The following SFMBT1 variants were observed in gnomAD, a reference collection of about 807,000 sequenced individuals.
The protein encoded by SFMBT1 is scm-like with four MBT domains protein 1.
A neutral mutation model predicts 108.7 loss-of-function variants in SFMBT1; 32 were observed. That is an observed-to-expected ratio of 0.29 (90% CI 0.22 to 0.40). SFMBT1 has a LOEUF of 0.40. Ranked by LOEUF, SFMBT1 falls within the 10% of genes least tolerant of loss-of-function variation. The probability of loss-of-function intolerance (pLI) is 1.00; values close to 1 mark genes in which losing one functional copy is unlikely to be tolerated. For missense variants in SFMBT1, 816 were observed against 1,059.6 expected, an observed-to-expected ratio of 0.77 and a Z score of 3.19; for synonymous variants, 348 against 369.5, an observed-to-expected ratio of 0.94 and a Z score of 0.67.
intron 7 of SFMBT1, 35 bp downstream of exon 7, chr3:52,930,906 G>A (rs1702837895): frequency 3.2e-6 from 5 of 1,570,908 alleles, no homozygotes; most frequent in Non-Finnish European, 4.4e-6. Flanking sequence ...ACTGTAAGGG[G>A]AGCAATACCG....
chr3:52,993,097 T>A (rs1226796002), intron 1 of SFMBT1, among the ~76,000 whole-genome samples: 1 of 152,022 alleles, frequency 6.6e-6, no homozygotes, highest in Non-Finnish European at 1.5e-5. Flanking sequence ...CTGTATCAGT[T>A]GTTTTTTTTT....
intron 8 of SFMBT1, chr3:52,928,623 TATACATATATATAC>T (rs1559513980): frequency 4.6e-4 from 4 of 8,782 alleles, no homozygotes; most frequent in African/African-American, 6.7e-4. Context: ...TATATACATA[TATACATATATATAC>T]ATATATATAT....
At chr3:52,928,773 G>A (rs991649576) in intron 8 of SFMBT1, among the ~76,000 whole-genome samples, 4 of 151,076 alleles carry the variant, frequency 2.6e-5, no homozygotes, top group African/African-American at 9.7e-5. Flanking sequence ...TTGGCTCACC[G>A]AAGCACTGCA....
chr3:53,020,959 G>A (rs552132982), intron 1 of SFMBT1, among the ~76,000 whole-genome samples: 9 of 152,248 alleles, frequency 5.9e-5, no homozygotes, highest in East Asian at 5.8e-4. Context: ...ATGAGAGGCC[G>A]AGGCAGGAGA....
intron 3 of SFMBT1, among the ~76,000 whole-genome samples, chr3:52,947,453 A>T (rs1703410419): frequency 6.6e-6 from 1 of 152,088 alleles, no homozygotes; most frequent in Admixed American, 6.5e-5. Flanking sequence ...AAGGTGTGTC[A>T]TGTATCTTAT....
intron 11 of SFMBT1, among the ~76,000 whole-genome samples, chr3:52,921,261 C>T (rs1702511539): frequency 6.6e-6 from 1 of 152,186 alleles, no homozygotes; most frequent in South Asian, 2.1e-4. Context: ...ACTGAGTACT[C>T]ACGCAGCGCC....
chr3:52,974,940 G>A (rs1704468779), intron 1 of SFMBT1, among the ~76,000 whole-genome samples: 2 of 151,122 alleles, frequency 1.3e-5, no homozygotes, highest in African/African-American at 4.9e-5. Context: ...CCAGGGCAAA[G>A]GTTGCAGTGA....
At chr3:52,931,963 A>G in intron 6 of SFMBT1, 99 bp downstream of exon 6, 1 of 1,324,032 alleles carries the variant, frequency 7.6e-7, no homozygotes, top group Non-Finnish European at 1.0e-6. Context: ...GAACTAACAA[A>G]GGTTTTCATA....
rs151013355 is a variant in SFMBT1, at chr3:53,039,717, C to G, written c.-131+6099G>C. Reference sequence around the variant, plus strand: ...TGATGTCATCTCAGCTCACTGCAACCCCCACCTCCTGGGTTCAAGCAATTC... The same window carrying G: ...TGATGTCATCTCAGCTCACTGCAACGCCCACCTCCTGGGTTCAAGCAATTC... On this transcript the variant is annotated intron_variant, in intron 1 of 20. Transcript: ENST00000394752. 5.9e-3 allele frequency among the ~76,000 whole-genome samples: 900 copies of G among 152,274 alleles called. 4 individuals carry two copies. The highest frequency in any genetic ancestry group is 7.8e-3 in the Non-Finnish European group (532 of 68,016).
chr3:53,003,439 G>A (rs1169667974), intron 1 of SFMBT1, among the ~76,000 whole-genome samples: 1 of 150,030 alleles, frequency 6.7e-6, no homozygotes, highest in Admixed American at 6.8e-5. Context: ...AATGAGGGAC[G>A]CAAAATTGTG....
chr3:52,987,670 G>C (rs1308787555), intron 1 of SFMBT1, among the ~76,000 whole-genome samples: 1 of 152,198 alleles, frequency 6.6e-6, no homozygotes, highest in African/African-American at 2.4e-5. Context: ...TTATACCATA[G>C]AGTGATGGCC....
chr3:52,984,610 T>C (rs1478645351), intron 1 of SFMBT1, among the ~76,000 whole-genome samples: 1 of 152,052 alleles, frequency 6.6e-6, no homozygotes, highest in African/African-American at 2.4e-5. Context: ...CTTTAATGTA[T>C]GTCTTTCAAT....
chr3:52,953,911 C>T (rs943367063), intron 3 of SFMBT1, among the ~76,000 whole-genome samples: 7 of 151,980 alleles, frequency 4.6e-5, no homozygotes, highest in Non-Finnish European at 5.9e-5. Context: ...GGGAGGATCA[C>T]GCGGTCAGGA....
At chr3:52,911,943 G>A (rs1173139374) in intron 16 of SFMBT1, among the ~76,000 whole-genome samples, 3 of 151,980 alleles carry the variant, frequency 2.0e-5, no homozygotes, top group African/African-American at 4.8e-5. Context: ...CAGGTGATCC[G>A]CCCACCTCAG....
chr3:53,034,653 T>C (rs1287816451), intron 1 of SFMBT1, among the ~76,000 whole-genome samples: 1 of 152,000 alleles, frequency 6.6e-6, no homozygotes, highest in Non-Finnish European at 1.5e-5. Context: ...AGAATAATTG[T>C]GGGCCAGGCA....
At chr3:52,959,927 A>AT (rs1477097021) in intron 2 of SFMBT1, among the ~76,000 whole-genome samples, 1 of 152,076 alleles carries the variant, frequency 6.6e-6, no homozygotes, top group Non-Finnish European at 1.5e-5. Context: ...GACTCTCAAT[A>AT]AACTGCTGAA....
rs543438223 is a variant in SFMBT1 at position 53,001,437 on chromosome 3, GA to G, written c.-130-32180del. Among the ~76,000 whole-genome samples, 149 of 149,724 alleles carry G rather than the reference GA, an allele frequency of 1.0e-3. 5 individuals are homozygous for G. The highest frequency in any genetic ancestry group is 4.9e-3 in the South Asian group (23 of 4,712). On this transcript the variant is annotated intron_variant, in intron 1 of 20. Transcript: ENST00000394752. ...AGTGAGACTCCAACTCTTCAAAAAA[GA>G]AAAAGTTCCATCACTCTTAATTATT...
intron 20 of SFMBT1, among the ~76,000 whole-genome samples, chr3:52,905,663 A>G (rs1282011454): frequency 6.6e-6 from 1 of 152,218 alleles, no homozygotes; most frequent in Non-Finnish European, 1.5e-5. Flanking sequence ...ACTCTGTAAC[A>G]TTCATAAAAA....
chr3:52,913,422 C>G, intron 15 of SFMBT1, 56 bp downstream of exon 15: 1 of 1,584,326 alleles, frequency 6.3e-7, no homozygotes, highest in Non-Finnish European at 8.6e-7. Context: ...GTAGAAATGA[C>G]CATAGGAGAA....
Sources: allele counts gnomAD v4.1 joint callset (sites outside exome capture counted in the v4.1 genomes callset), GRCh38; gene constraint gnomAD v4.1.1; transcripts MANE v1.5; gene names NCBI Gene and HGNC (gene_info 2026-07-23, HGNC 2026-07-21).